BEND2: variants seen among roughly 807,000 people sequenced by gnomAD.
BEND2 encodes BEN domain-containing protein 2.
A neutral mutation model predicts 43.8 loss-of-function variants in BEND2; 19 were observed. The observed-to-expected ratio is 0.43, with a 90% CI of 0.30 to 0.64. BEND2 has a LOEUF of 0.64. Ranked by LOEUF, BEND2 falls within the 30% of genes least tolerant of loss-of-function variation. The pLI is 0.11. For missense variants in BEND2, 544 were observed against 574.0 expected (o/e 0.95, Z 0.53); for synonymous variants, 226 against 210.1 (o/e 1.08, Z -0.66).
chrX:18,178,421 A>G (rs1924258567), intron 9 of BEND2, among the ~76,000 whole-genome samples: 1 of 111,684 alleles, frequency 9.0e-6, no homozygotes. Context: ...ACTGCTAGTT[A>G]CAGAACCAGT....
At chrX:18,210,429 C>T (rs2147432866) in intron 4 of BEND2, among the ~76,000 whole-genome samples, 1 of 111,938 alleles carries the variant, frequency 8.9e-6, no homozygotes, top group African/African-American at 3.2e-5. Flanking sequence ...GCACCTAAGG[C>T]CTATTTGTGA....
At chrX:18,183,616 T>C (rs1017758314) in intron 8 of BEND2, among the ~76,000 whole-genome samples, 2 of 112,226 alleles carry the variant, frequency 1.8e-5, no homozygotes, top group Non-Finnish European at 3.8e-5. Flanking sequence ...GGCTCTTAGA[T>C]GGCATTTCTG....
intron 8 of BEND2, among the ~76,000 whole-genome samples, chrX:18,188,388 AG>A (rs1213580575): frequency 9.0e-6 from 1 of 111,122 alleles, no homozygotes; most frequent in Non-Finnish European, 1.9e-5. Flanking sequence ...ATAAAAAAAA[AG>A]AAAAAGAAAA....
intron 10 of BEND2, among the ~76,000 whole-genome samples, chrX:18,176,917 T>C (rs1291314431): frequency 9.1e-6 from 1 of 110,399 alleles, no homozygotes; most frequent in Non-Finnish European, 1.9e-5. Context: ...AGAATCCAGC[T>C]CAAATGTCCT....
At chrX:18,203,032 T>C (rs1925216091) in intron 5 of BEND2, among the ~76,000 whole-genome samples, 2 of 111,769 alleles carry the variant, frequency 1.8e-5, no homozygotes, top group Non-Finnish European at 3.8e-5. Context: ...AAAGGTTACA[T>C]ACTATATGCA....
intron 2 of BEND2, among the ~76,000 whole-genome samples, chrX:18,215,715 C>A (rs1925654815): frequency 8.9e-6 from 1 of 112,261 alleles, no homozygotes; most frequent in Admixed American, 9.5e-5. Context: ...GCCTGCAAAG[C>A]CTAAAATATT....
At chrX:18,207,128 C>G (rs1352288009) in intron 4 of BEND2, among the ~76,000 whole-genome samples, 1 of 111,275 alleles carries the variant, frequency 9.0e-6, no homozygotes, top group Non-Finnish European at 1.9e-5. Context: ...TCCCAGCTCG[C>G]CTCTGCACCC....
rs1369552667 is a variant in BEND2 at position 18,164,055 on chromosome X, C to T, written c.*954G>A. ...TTTCTTTTCCCGAGACGGAGTCTCA[C>T]TCTGTCACCCAGGCTCGAGTGCAGT... On this transcript the variant is annotated 3_prime_UTR_variant, in exon 14 of 14. Transcript: ENST00000380033. 1 of 110,945 alleles carries T rather than the reference C, an allele frequency of 9.0e-6. No individual in the cohort carries two copies. The highest frequency in any genetic ancestry group is 3.3e-5 in the African/African-American group (1 of 30,462). 9.1% of individuals were successfully genotyped at this position (110,945 alleles called of 1,213,427 possible). A position where few individuals can be genotyped will look rare whatever the true frequency, so the allele number is the denominator to read the frequency against.
At chrX:18,190,041 C>T (rs1249056066) in intron 8 of BEND2, among the ~76,000 whole-genome samples, 1 of 97,696 alleles carries the variant, frequency 1.0e-5, no homozygotes, top group African/African-American at 4.0e-5. Flanking sequence ...CAGACCGAGA[C>T]TCTATCTCAA....
chrX:18,178,862 C>T (rs942505373), intron 9 of BEND2, among the ~76,000 whole-genome samples: 25 of 111,539 alleles, frequency 2.2e-4, no homozygotes, highest in African/African-American at 7.5e-4. Context: ...GACATGAGAG[C>T]TCATGCCCTC....
intron 8 of BEND2, among the ~76,000 whole-genome samples, chrX:18,190,575 T>C (rs1924732192): frequency 9.0e-6 from 1 of 111,326 alleles, no homozygotes; most frequent in Non-Finnish European, 1.9e-5. Flanking sequence ...TTGTATGGAA[T>C]AAAGATGAGG....
At chrX:18,189,116 C>G (rs1476460972) in intron 8 of BEND2, among the ~76,000 whole-genome samples, 1 of 107,575 alleles carries the variant, frequency 9.3e-6, no homozygotes, top group African/African-American at 3.4e-5. Context: ...AGAAGAATTA[C>G]CTGAACCTGG....
intron 10 of BEND2, among the ~76,000 whole-genome samples, 166 bp downstream of exon 10, chrX:18,177,403 A>G (rs964082267): frequency 9.1e-6 from 1 of 109,432 alleles, no homozygotes; most frequent in Non-Finnish European, 1.9e-5. Flanking sequence ...ATTGTTACCA[A>G]TTATATATTA....
chrX:18,173,235 G>A (rs2147390452), intron 12 of BEND2, among the ~76,000 whole-genome samples: 1 of 111,015 alleles, frequency 9.0e-6, no homozygotes, highest in East Asian at 2.8e-4. Flanking sequence ...CCTGCCTGAC[G>A]CTCGCTCAGT....
intron 8 of BEND2, among the ~76,000 whole-genome samples, chrX:18,189,024 C>A (rs1924667453): frequency 9.2e-6 from 1 of 108,690 alleles, no homozygotes; most frequent in South Asian, 4.0e-4. Flanking sequence ...CACGGTGAAA[C>A]CCCATCTCTA....
Position 18,203,784 on chromosome X carries a change from A to G in BEND2, c.624T>C (p.Tyr208=). ...QEADLSESLS[Y]PRIVSSSSLQ... is the part of the protein sequence containing the mutation. Reference sequence around the variant, plus strand: ...ATGAACTTGAGGAGACAATTCTGGGATATGATAAACTCTCACTGAGGTCTG... The same window carrying G: ...ATGAACTTGAGGAGACAATTCTGGGGTATGATAAACTCTCACTGAGGTCTG... The change falls in exon 5 of 14, where the codon TAT becomes TAC. Residue 208 remains tyrosine (Y), a synonymous_variant. Coordinates refer to ENST00000380033, the MANE Select transcript of BEND2 (RefSeq NM_153346.5). The G allele has an allele frequency of 8.3e-7, 1 of 1,211,451 alleles. No individual in the cohort carries two copies. The highest frequency in any genetic ancestry group is 1.1e-6 in the Non-Finnish European group (1 of 895,076).
intron 3 of BEND2, among the ~76,000 whole-genome samples, 194 bp downstream of exon 3, chrX:18,213,580 T>C (rs183714184): frequency 9.9e-5 from 11 of 111,433 alleles, no homozygotes; most frequent in African/African-American, 3.6e-4. Context: ...TCAAGTTAGA[T>C]AAATGCAGAC....
At chrX:18,193,567 T>C (rs1924845932) in intron 7 of BEND2, among the ~76,000 whole-genome samples, 1 of 111,520 alleles carries the variant, frequency 9.0e-6, no homozygotes, top group Non-Finnish European at 1.9e-5. Context: ...TTTTGCAAGA[T>C]GCTATTGTTG....
At chrX:18,183,941 C>A (rs1924484380) in intron 8 of BEND2, among the ~76,000 whole-genome samples, 1 of 111,609 alleles carries the variant, frequency 9.0e-6, no homozygotes, top group African/African-American at 3.3e-5. Context: ...AACTCACCAC[C>A]CTGAAGGGAA....
Sources: allele counts gnomAD v4.1 joint callset (sites outside exome capture counted in the v4.1 genomes callset), GRCh38; gene constraint gnomAD v4.1.1; transcripts MANE v1.5; gene names NCBI Gene and HGNC (gene_info 2026-07-23, HGNC 2026-07-21).